The following NOX5 variants were observed in gnomAD, a reference collection of about 807,000 sequenced individuals.
NOX5 encodes the protein NADPH oxidase 5.
A neutral mutation model predicts 85.7 loss-of-function variants in NOX5; 76 were observed. The ratio of observed to expected loss-of-function variants is 0.89; its 90% CI spans 0.74 to 1.07. The LOEUF is 1.07. Ranked by LOEUF, NOX5 falls within the 50% of genes least tolerant of loss-of-function variation. The pLI is 0.00. For missense variants in NOX5, 973 were observed against 999.5 expected (o/e 0.97, Z 0.36); for synonymous variants, 405 against 401.4 (o/e 1.01, Z -0.11).
At chr15:69,051,119 G>C (rs576694316) in intron 14 of NOX5, among the ~76,000 whole-genome samples, 1 of 152,178 alleles carries the variant, frequency 6.6e-6, no homozygotes, top group East Asian at 1.9e-4. Flanking sequence ...CCTTTCTGCA[G>C]TTCACTTTTC....
intron 1 of NOX5, chr15:69,022,868 C>T (rs1381798652): frequency 5.0e-6 from 2 of 403,598 alleles, no homozygotes; most frequent in Non-Finnish European, 9.9e-6. Context: ...CTGGACTGGA[C>T]TCAAGCACAG....
At chr15:69,036,910 G>A (rs929790314) in intron 7 of NOX5, 118 bp from the exon 8 acceptor site, 8 of 798,000 alleles carry the variant, frequency 1.0e-5, no homozygotes, top group African/African-American at 3.4e-5. Context: ...CTCCATCCCC[G>A]GGAGAGAGTC....
intron 1 of NOX5, among the ~76,000 whole-genome samples, chr15:69,021,349 C>CT (rs59303957): frequency 0.084 from 11,215 of 134,000 alleles, 587 homozygotes; most frequent in East Asian, 0.2. Flanking sequence ...CTTTTGAATT[C>CT]TTTTTTTTTT....
intron 4 of NOX5, 45 bp downstream of exon 4, chr15:69,031,857 G>C: frequency 6.5e-7 from 1 of 1,546,432 alleles, no homozygotes; most frequent in Non-Finnish European, 8.8e-7. Context: ...GGCGGCGTTA[G>C]ACTCCTGGTC....
chr15:69,035,724 T>C (rs746581980), intron 6 of NOX5, 34 bp from the exon 7 acceptor site: 3 of 1,604,736 alleles, frequency 1.9e-6, no homozygotes, highest in Non-Finnish European at 1.7e-6. Context: ...GAGCTGGTCT[T>C]GCAGTCACTC....
intron 1 of NOX5, among the ~76,000 whole-genome samples, chr15:69,024,552 C>T (rs1007807386): frequency 1.3e-5 from 2 of 152,228 alleles, no homozygotes; most frequent in East Asian, 3.9e-4. Context: ...AGGGTTAGTA[C>T]AGTAAAACCA....
rs776336697 is a variant in NOX5, at chr15:69,037,142, G to A, written c.1303G>A (p.Ala435Thr). 2 of 1,614,076 alleles carry A rather than the reference G, an allele frequency of 1.2e-6. No individual in the cohort carries two copies. Among genetic ancestry groups the A allele is most frequent in the Non-Finnish European group, 1.7e-6 (2 of 1,180,034 alleles). Residue 435 changes from alanine to threonine, a missense_variant, in exon 8 of 16, where the codon GCC (alanine) becomes ACC (threonine). Ala to Thr is a moderately conservative substitution (Grantham distance 58). Transcript: ENST00000388866. ...VPGILFFLEK[A>T]IGLAVSRMAA... ...TGGAATCTTGTTTTTCCTGGAGAAG[G>A]CCATCGGACTGGCAGTGTCCCGCAT...
chr15:69,032,972 G>T lies in NOX5; in HGVS notation c.621-71G>T, dbSNP rs1422610346. The stretch of plus-strand genomic sequence containing the variant: ...CTTGGTCGGCCATAGCTTGAAGGGG[G>T]TCTTTAAGTTAAGACACAGGTGGTC... On this transcript the variant is annotated intron_variant, in intron 4 of 15. Coordinates refer to ENST00000388866, the MANE Select transcript of NOX5 (RefSeq NM_024505.4). 11 of 1,509,612 alleles carry T rather than the reference G, an allele frequency of 7.3e-6. No homozygotes were observed. In the East Asian group the frequency reaches 2.6e-4, roughly 35 times the overall value. The allele number at this position is 1,509,612 out of a possible 1,614,324, so 93.5% of individuals were successfully genotyped here. A position where few individuals can be genotyped will look rare whatever the true frequency, so the allele number is the denominator to read the frequency against.
rs558535232 is a variant in NOX5, at chr15:69,060,576, C to T, written c.*3880C>T. 6.6e-6 allele frequency: 1 copy of T among 152,230 alleles called. No individual in the cohort carries two copies. The highest frequency in any genetic ancestry group is 2.1e-4 in the South Asian group (1 of 4,820). 9.4% of individuals were successfully genotyped at this position (152,230 alleles called of 1,614,324 possible). A position where few individuals can be genotyped will look rare whatever the true frequency, so the allele number is the denominator to read the frequency against. On this transcript the variant is annotated 3_prime_UTR_variant, in exon 16 of 16. Coordinates refer to ENST00000388866, the MANE Select transcript of NOX5 (RefSeq NM_024505.4). ...TCTGGGGAGTGGGAATGGAGGGATA[C>T]AATGAAGGAAAGGATTTTGTGTTTT... is the stretch of plus-strand genomic sequence containing the variant.
chr15:69,057,006 C>T lies in NOX5; in HGVS notation c.*310C>T. The T allele has an allele frequency of 8.8e-6, 2 of 227,906 alleles. No homozygotes were observed. The highest frequency in any genetic ancestry group is 1.0e-4 in the Admixed American group (2 of 19,848). The allele number at this position is 227,906 out of a possible 1,614,324, so 14.1% of individuals were successfully genotyped here. ...TTCGAGGGGGCAGAGGGCAACCACTCCTCCAAACATTTTCCGACGGAGCCT... is the reference window on the plus strand; with the variant it reads ...TTCGAGGGGGCAGAGGGCAACCACTTCTCCAAACATTTTCCGACGGAGCCT... On this transcript the variant is annotated 3_prime_UTR_variant, in exon 16 of 16. Coordinates refer to ENST00000388866, the MANE Select transcript of NOX5 (RefSeq NM_024505.4).
At chr15:69,046,723 T>C in intron 10 of NOX5, 99 bp from the exon 11 acceptor site, 1 of 1,161,942 alleles carries the variant, frequency 8.6e-7, no homozygotes, top group East Asian at 2.4e-5. Context: ...CAATTCCCTT[T>C]TTATAAAGTT....
chr15:69,056,599 A>T lies in NOX5; in HGVS notation c.2201A>T (p.Lys734Met). ...AAAGTGGCTGCTGAGAAGAAGGGCA[A>T]GGTGCAGGTCTTCTTCTGTGGCTCC... is the stretch of plus-strand genomic sequence containing the variant. The part of the protein sequence containing the change: ...FQKVAAEKKG[K>M]VQVFFCGSPA... Residue 734 changes from lysine to methionine, a missense_variant, in exon 16 of 16, where the codon AAG (lysine) becomes ATG (methionine). Lys to Met is a moderately conservative substitution (Grantham distance 95). Coordinates refer to ENST00000388866, the MANE Select transcript of NOX5 (RefSeq NM_024505.4). The T allele has an allele frequency of 1.2e-6, 2 of 1,613,686 alleles. No individual in the cohort carries two copies. Among genetic ancestry groups the T allele is most frequent in the Non-Finnish European group, 8.5e-7 (1 of 1,180,026 alleles).
At position 69,026,668 on chromosome 15, in the gene NOX5, G is replaced by C; in HGVS notation, c.174+17G>C. 6.2e-7 allele frequency: 1 copy of C among 1,613,904 alleles called. No homozygotes were observed. The highest frequency in any genetic ancestry group is 8.5e-7 in the Non-Finnish European group (1 of 1,179,898). On this transcript the variant is annotated intron_variant, in intron 2 of 15. Coordinates refer to ENST00000388866, the MANE Select transcript of NOX5 (RefSeq NM_024505.4). Reference sequence around the variant, plus strand: ...GTGAAAGAGGCAAGTGTTGGGCCAAGGTGGAAGCCCTGCATTTATCGTTAT... The same window carrying C: ...GTGAAAGAGGCAAGTGTTGGGCCAACGTGGAAGCCCTGCATTTATCGTTAT...
chr15:69,024,110 A>G (rs1284449636), intron 1 of NOX5: 2 of 153,396 alleles, frequency 1.3e-5, no homozygotes, highest in Admixed American at 6.5e-5. Flanking sequence ...GAATCATATA[A>G]CCGTGGCTTG....
intron 2 of NOX5, among the ~76,000 whole-genome samples, chr15:69,027,234 T>C (rs537860413): frequency 6.6e-6 from 1 of 152,254 alleles, no homozygotes; most frequent in South Asian, 2.1e-4. Flanking sequence ...CTGCTGGTCC[T>C]GGGGATACTA....
rs2050813063 is a variant in NOX5 at position 69,056,489 on chromosome 15, C to A, written c.2167-76C>A. On this transcript the variant is annotated intron_variant, in intron 15 of 15. Transcript: ENST00000388866. The stretch of plus-strand genomic sequence containing the variant: ...TGCCGACCCGTTATGCTGTTACCTC[C>A]AGGTGGTTGTGTCACTGGTGAGTCA... The A allele has an allele frequency of 6.4e-6, 10 of 1,570,546 alleles. No individual in the cohort carries two copies. The South Asian group carries it at 1.2e-4, about 19-fold the overall frequency.
rs186086287 is a variant in NOX5 at position 69,052,187 on chromosome 15, C to T, written c.1999+3129C>T. Among the ~76,000 whole-genome samples the T allele has an allele frequency of 2.7e-5, 4 of 150,848 alleles. No homozygotes were observed. In the East Asian group the frequency reaches 5.8e-4, roughly 22 times the overall value. On this transcript the variant is annotated intron_variant, in intron 14 of 15. Transcript: ENST00000388866. ...GAGCCATGATAGCCCTACTGCACTCCAGCTTGGGCAACAGAGTAAGACCCT... is the reference window on the plus strand; with the variant it reads ...GAGCCATGATAGCCCTACTGCACTCTAGCTTGGGCAACAGAGTAAGACCCT...
chr15:69,033,311 G>A (rs1356737430), intron 5 of NOX5, 34 bp downstream of exon 5: 2 of 1,581,326 alleles, frequency 1.3e-6, no homozygotes, highest in Non-Finnish European at 1.7e-6. Context: ...CTCTGAAAAT[G>A]TTAATTAGGA....
intron 5 of NOX5, among the ~76,000 whole-genome samples, chr15:69,034,904 G>A (rs561070053): frequency 2.5e-4 from 38 of 152,162 alleles, no homozygotes; most frequent in African/African-American, 8.9e-4. Context: ...GATTACAGGT[G>A]TGTGCCACCA....
Sources: allele counts gnomAD v4.1 joint callset (sites outside exome capture counted in the v4.1 genomes callset), GRCh38; gene constraint gnomAD v4.1.1; transcripts MANE v1.5; gene names NCBI Gene and HGNC (gene_info 2026-07-23, HGNC 2026-07-21).